The following HYDIN variants were observed in gnomAD, a reference collection of about 807,000 sequenced individuals.
HYDIN encodes the protein axonemal central pair apparatus protein HYDIN.
A neutral mutation model predicts 403.9 loss-of-function variants in HYDIN; 132 were observed. The observed-to-expected ratio is 0.33, with a 90% CI of 0.28 to 0.38. The LOEUF (loss-of-function observed/expected upper bound fraction) is 0.38. HYDIN is among the 10% of genes least tolerant of loss of function. The pLI is 1.00. For synonymous variants in HYDIN, 1,202 were observed against 1,891.7 expected (o/e 0.64, Z 9.46); for missense variants, 2,827 against 5,009.5 (o/e 0.56, Z 13.15).
At chr16:70,870,420 C>G (rs1160355848) in intron 65 of HYDIN, among the ~76,000 whole-genome samples, 1 of 151,976 alleles carries the variant, frequency 6.6e-6, no homozygotes, top group Non-Finnish European at 1.5e-5. Flanking sequence ...TTGTGGGTGG[C>G]CCAGGGACCC....
At chr16:70,821,236 C>T (rs1320824230) in intron 83 of HYDIN, among the ~76,000 whole-genome samples, 1 of 152,284 alleles carries the variant, frequency 6.6e-6, no homozygotes, top group Non-Finnish European at 1.5e-5. Context: ...CAAGAAAAAA[C>T]CCTCCAAATA....
chr16:70,974,274 T>C lies in HYDIN; in HGVS notation c.4936A>G (p.Lys1646Glu), dbSNP rs374999868. The part of the protein sequence containing the change: ...TGFSTELDRV[K>E]NLPHCETEIF... Reference sequence around the variant, plus strand: ...TCCGTTTCACAATGAGGTAGATTCTTTACACGATCTAGCTCAGTACTGAAT... The same window carrying C: ...TCCGTTTCACAATGAGGTAGATTCTCTACACGATCTAGCTCAGTACTGAAT... The change falls in exon 33 of 86, where the codon AAG becomes GAG. Residue 1646 changes from lysine (K) to glutamate (E), a missense_variant. By Grantham distance (56) the Lys-to-Glu change is moderately conservative. Transcript: ENST00000393567. 3.2e-5 allele frequency: 51 copies of C among 1,612,766 alleles called. No homozygotes were observed. Among genetic ancestry groups the C allele is most frequent in the Non-Finnish European group, 5.1e-6 (6 of 1,179,426 alleles).
intron 20 of HYDIN, among the ~76,000 whole-genome samples, chr16:71,026,152 G>A (rs775235139): frequency 5.9e-5 from 9 of 152,236 alleles, no homozygotes; most frequent in Non-Finnish European, 1.0e-4. Context: ...CACCCACCTC[G>A]GCCTCCCAAA....
intron 35 of HYDIN, among the ~76,000 whole-genome samples, chr16:70,972,037 C>A (rs533266464): frequency 7.1e-6 from 1 of 140,308 alleles, no homozygotes; most frequent in Admixed American, 7.5e-5. Context: ...CATGAAACTG[C>A]TTGAACAAAT....
intron 1 of HYDIN, among the ~76,000 whole-genome samples, chr16:71,205,171 A>T (rs953417839): frequency 6.6e-6 from 1 of 152,186 alleles, no homozygotes. Flanking sequence ...CATGTGTGCC[A>T]CTCTCAGAGA....
intron 80 of HYDIN, among the ~76,000 whole-genome samples, chr16:70,831,623 T>A (rs1450147583): frequency 8.0e-6 from 1 of 124,254 alleles, no homozygotes; most frequent in East Asian, 2.3e-4. Context: ...TGGAGCCAAG[T>A]GAAGGAAGTG....
At chr16:71,029,908 A>G (rs2080843453) in intron 19 of HYDIN, among the ~76,000 whole-genome samples, 1 of 152,136 alleles carries the variant, frequency 6.6e-6, no homozygotes, top group Non-Finnish European at 1.5e-5. Context: ...ATACCTTCTG[A>G]GATCTGTTCA....
intron 1 of HYDIN, among the ~76,000 whole-genome samples, chr16:71,189,157 T>C (rs1342336600): frequency 6.6e-6 from 1 of 152,198 alleles, no homozygotes; most frequent in African/African-American, 2.4e-5. Context: ...CAGCAATCCC[T>C]ATTCTAGGAA....
chr16:71,086,181 T>C (rs1332639850), intron 12 of HYDIN, among the ~76,000 whole-genome samples: 2 of 152,114 alleles, frequency 1.3e-5, no homozygotes, highest in African/African-American at 4.8e-5. Flanking sequence ...GGGAATAGTT[T>C]AAAGAATGGG....
chr16:71,108,341 A>G (rs1251630821), intron 10 of HYDIN, among the ~76,000 whole-genome samples: 1 of 152,198 alleles, frequency 6.6e-6, no homozygotes, highest in Non-Finnish European at 1.5e-5. Flanking sequence ...ACAAAAAACA[A>G]CAACAAAAAA....
chr16:71,176,067 AG>A (rs1176196693), intron 4 of HYDIN, among the ~76,000 whole-genome samples: 1 of 151,618 alleles, frequency 6.6e-6, no homozygotes, highest in Non-Finnish European at 1.5e-5. Context: ...GCATTTTGGG[AG>A]GCCGAGGCAG....
At chr16:71,175,781 A>G in intron 4 of HYDIN, 40 bp from the exon 5 acceptor site, 2 of 1,609,030 alleles carry the variant, frequency 1.2e-6, no homozygotes, top group Non-Finnish European at 1.7e-6. Context: ...GTGCATGTGA[A>G]AAAGCAGAGT....
At chr16:71,106,399 C>A (rs2083617699) in intron 10 of HYDIN, among the ~76,000 whole-genome samples, 1 of 152,164 alleles carries the variant, frequency 6.6e-6, no homozygotes, top group South Asian at 2.1e-4. Context: ...CAAGCCTGAG[C>A]TGTGTACCTT....
intron 21 of HYDIN, among the ~76,000 whole-genome samples, chr16:71,025,170 G>A (rs994594506): frequency 4.3e-4 from 66 of 152,118 alleles, no homozygotes; most frequent in African/African-American, 1.5e-3. Flanking sequence ...CAGGAATGAT[G>A]GAAATAGAAT....
intron 73 of HYDIN, among the ~76,000 whole-genome samples, chr16:70,853,741 A>AT (rs1424561698): frequency 7.1e-6 from 1 of 140,688 alleles, no homozygotes; most frequent in Non-Finnish European, 1.5e-5. Flanking sequence ...CACATGAGGA[A>AT]TCCTGCGGCA....
chr16:71,224,051 C>T (rs549646379), intron 1 of HYDIN, among the ~76,000 whole-genome samples: 74 of 152,186 alleles, frequency 4.9e-4, no homozygotes, highest in Non-Finnish European at 7.6e-4. Flanking sequence ...CCTAAGTGCC[C>T]ATTGATCAAC....
At chr16:71,033,546 A>C (rs1043479418) in intron 18 of HYDIN, among the ~76,000 whole-genome samples, 1 of 151,668 alleles carries the variant, frequency 6.6e-6, no homozygotes, top group African/African-American at 2.4e-5. Flanking sequence ...ACCAAACACT[A>C]CATGTTCTCA....
chr16:71,189,361 G>T (rs1174231146), intron 1 of HYDIN, among the ~76,000 whole-genome samples: 1 of 152,024 alleles, frequency 6.6e-6, no homozygotes, highest in African/African-American at 2.4e-5. Context: ...AAAAAGAAAC[G>T]GGAAAATCAA....
chr16:71,082,603 C>T (rs960905648), intron 12 of HYDIN, among the ~76,000 whole-genome samples: 3 of 151,534 alleles, frequency 2.0e-5, no homozygotes, highest in African/African-American at 4.9e-5. Flanking sequence ...CTGCACAGAG[C>T]AGGTGGAGTA....
Sources: gnomAD v4.1 joint callset for allele counts (sites outside exome capture counted in the v4.1 genomes callset) on GRCh38, gnomAD v4.1.1 for gene constraint, MANE v1.5 for transcripts, NCBI Gene and HGNC (gene_info 2026-07-23, HGNC 2026-07-21) for gene names.